Variants in CDK5RAP1 observed in about 807,000 individuals in gnomAD.
CDK5RAP1 encodes the protein mitochondrial tRNA methylthiotransferase CDK5RAP1.
In CDK5RAP1, 62 loss-of-function variants were observed where a neutral mutation model predicts 64.5. That is an observed-to-expected ratio of 0.96 (90% confidence interval 0.78 to 1.19). The LOEUF (loss-of-function observed/expected upper bound fraction) is 1.19, where lower values mean the gene tolerates loss of function less well. Among genes scored for constraint, CDK5RAP1 ranks in the 50% most tolerant of loss-of-function variants. CDK5RAP1 has a pLI of 0.00. For synonymous variants in CDK5RAP1, 250 were observed against 261.9 expected, an observed-to-expected ratio of 0.95 and a Z score of 0.44; for missense variants, 657 against 735.0, an observed-to-expected ratio of 0.89 and a Z score of 1.23.
intron 4 of CDK5RAP1, among the ~76,000 whole-genome samples, chr20:33,393,630 G>GTCACCCATCT (rs1988580216): frequency 6.6e-6 from 1 of 152,082 alleles, no homozygotes; most frequent in South Asian, 2.1e-4. Flanking sequence ...TCTGATGGGA[G>GTCACCCATCT]TCACCCATCT....
intron 5 of CDK5RAP1, among the ~76,000 whole-genome samples, chr20:33,388,080 A>C (rs1225032777): frequency 6.6e-6 from 1 of 152,056 alleles, no homozygotes; most frequent in Non-Finnish European, 1.5e-5. Flanking sequence ...AAAAAAAAAA[A>C]AAAATTAAAC....
At chr20:33,365,597 TAAAAAAAA>T (rs11471267) in intron 12 of CDK5RAP1, among the ~76,000 whole-genome samples, 3 of 78,342 alleles carry the variant, frequency 3.8e-5, no homozygotes, top group South Asian at 5.6e-4. Context: ...CTCTATAATG[TAAAAAAAA>T]AAAAAAAAAA....
intron 12 of CDK5RAP1, among the ~76,000 whole-genome samples, chr20:33,362,699 G>C (rs1231296791): frequency 6.6e-6 from 1 of 152,188 alleles, no homozygotes; most frequent in Non-Finnish European, 1.5e-5. Context: ...ACAAAAGGAG[G>C]AGGAAGGGAC....
chr20:33,374,142 C>T lies in CDK5RAP1; in HGVS notation c.1178G>A (p.Ser393Asn). 3 of 1,613,980 alleles carry T rather than the reference C, an allele frequency of 1.9e-6. No homozygotes were observed. Among genetic ancestry groups the T allele is most frequent in the Non-Finnish European group, 2.5e-6 (3 of 1,179,806 alleles). The change falls in exon 9 of 14, where the codon AGC becomes AAC. Residue 393 changes from serine to asparagine, a missense_variant. Ser to Asn is a conservative substitution (Grantham distance 46). Transcript: ENST00000346416. ...CCTCCGCATGGCCTCCAACACACGGCTGCTTCCACTCTGGGCTGGCAGGTG... is the reference window on the plus strand; with the variant it reads ...CCTCCGCATGGCCTCCAACACACGGTTGCTTCCACTCTGGGCTGGCAGGTG... ...QIHLPAQSGS[S>N]RVLEAMRRGY... is the part of the protein sequence containing the mutation.
At position 33,387,552 on chromosome 20, in the gene CDK5RAP1, C is replaced by T; in HGVS notation, c.545-19G>A. 2 of 1,600,460 alleles carry T rather than the reference C, an allele frequency of 1.2e-6. No homozygotes were observed. Among genetic ancestry groups the T allele is most frequent in the Non-Finnish European group, 1.7e-6 (2 of 1,167,842 alleles). On this transcript the variant is annotated intron_variant, in intron 5 of 13. Transcript: ENST00000346416. Reference sequence around the variant, plus strand: ...ATGCAGCCTGGAAGGGAAAAAGAAACAAGCACCTTTCCCCAAATCCACCTG... The same window carrying T: ...ATGCAGCCTGGAAGGGAAAAAGAAATAAGCACCTTTCCCCAAATCCACCTG...
chr20:33,375,565 G>T (rs1985862323), intron 8 of CDK5RAP1, among the ~76,000 whole-genome samples: 1 of 152,004 alleles, frequency 6.6e-6, no homozygotes, highest in Non-Finnish European at 1.5e-5. Flanking sequence ...GAGGAAAAAA[G>T]ATGAAAGTCG....
At chr20:33,375,115 A>T (rs1374958484) in intron 8 of CDK5RAP1, among the ~76,000 whole-genome samples, 4 of 150,748 alleles carry the variant, frequency 2.7e-5, no homozygotes, top group Non-Finnish European at 4.4e-5. Context: ...AAGAATACAT[A>T]AAGAGGCTGG....
chr20:33,368,916 G>A (rs112215808), intron 11 of CDK5RAP1, among the ~76,000 whole-genome samples: 303 of 151,716 alleles, frequency 2.0e-3, no homozygotes, highest in African/African-American at 6.8e-3. Context: ...TGAGGTGGGT[G>A]GATCACAAGG....
At chr20:33,366,164 C>CA (rs1219311654) in intron 12 of CDK5RAP1, among the ~76,000 whole-genome samples, 2 of 151,276 alleles carry the variant, frequency 1.3e-5, no homozygotes, top group African/African-American at 4.9e-5. Context: ...ACTAAAAATA[C>CA]AAAAATTAGC....
intron 11 of CDK5RAP1, among the ~76,000 whole-genome samples, chr20:33,368,859 G>A (rs139087339): frequency 1.0e-3 from 158 of 152,052 alleles, no homozygotes; most frequent in South Asian, 3.3e-3. Flanking sequence ...CAACAAGAGC[G>A]AGACTCCGTC....
intron 1 of CDK5RAP1, 125 bp downstream of exon 1, chr20:33,401,303 C>T (rs888068656): frequency 1.3e-4 from 93 of 725,172 alleles, no homozygotes; most frequent in Admixed American, 4.4e-4. Flanking sequence ...CCAGGCCCCA[C>T]GCCATAACCA....
intron 4 of CDK5RAP1, 136 bp from the exon 5 acceptor site, chr20:33,392,378 C>G: frequency 4.6e-6 from 2 of 439,468 alleles, no homozygotes; most frequent in Non-Finnish European, 8.1e-6. Flanking sequence ...GCCCACGGGC[C>G]ACATGCAGCC....
At chr20:33,376,410 A>T (rs914252769) in intron 8 of CDK5RAP1, among the ~76,000 whole-genome samples, 1 of 152,202 alleles carries the variant, frequency 6.6e-6, no homozygotes, top group Admixed American at 6.5e-5. Flanking sequence ...GGCTCAAGTG[A>T]TTCTCCTGCC....
At chr20:33,381,512 C>T (rs1248245388) in intron 7 of CDK5RAP1, among the ~76,000 whole-genome samples, 2 of 151,952 alleles carry the variant, frequency 1.3e-5, no homozygotes, top group Non-Finnish European at 2.9e-5. Flanking sequence ...CTGCAATCTC[C>T]GCCTCCCAGG....
At chr20:33,380,948 C>T (rs1986680701) in intron 7 of CDK5RAP1, among the ~76,000 whole-genome samples, 1 of 152,034 alleles carries the variant, frequency 6.6e-6, no homozygotes. Flanking sequence ...TGCAGTGAGC[C>T]GAGACCATGC....
Position 33,359,058 on chromosome 20 carries a change from A to AGAGTCCCTCAGAGTGGTCCTGCAGAGAAC in CDK5RAP1, c.1720_1748dup (p.Ser584PhefsTer7). 1 of 1,613,002 alleles carries AGAGTCCCTCAGAGTGGTCCTGCAGAGAAC rather than the reference A, an allele frequency of 6.2e-7. No individual in the cohort carries two copies. The highest frequency in any genetic ancestry group is 1.1e-5 in the South Asian group (1 of 91,066). On this transcript the variant is annotated stop_gained and frameshift_variant, in exon 14 of 14. Transcript: ENST00000346416. LOFTEE classifies it high-confidence loss of function. ...TCCTCTCAGGTCAGCAATATGCAGA[A>AGAGTCCCTCAGAGTGGTCCTGCAGAGAAC]GAGTCCCTCAGAGTGGTCCTGCAGA...
At chr20:33,397,734 G>A (rs969772242) in intron 1 of CDK5RAP1, among the ~76,000 whole-genome samples, 2 of 152,234 alleles carry the variant, frequency 1.3e-5, no homozygotes, top group Non-Finnish European at 2.9e-5. Context: ...GCTCATGCCT[G>A]TAATCCCAGG....
At chr20:33,367,077 C>A in intron 11 of CDK5RAP1, 69 bp from the exon 12 acceptor site, 1 of 1,468,888 alleles carries the variant, frequency 6.8e-7, no homozygotes, top group Non-Finnish European at 9.3e-7. Flanking sequence ...TCTTAATGCA[C>A]AGAGGGCGAC....
chr20:33,386,234 T>C (rs1987416189), intron 6 of CDK5RAP1, among the ~76,000 whole-genome samples: 1 of 152,132 alleles, frequency 6.6e-6, no homozygotes, highest in Non-Finnish European at 1.5e-5. Context: ...CGGCTAATTT[T>C]TGTATTTTTA....
Sources: allele counts gnomAD v4.1 joint callset (sites outside exome capture counted in the v4.1 genomes callset), GRCh38; gene constraint gnomAD v4.1.1; transcripts MANE v1.5; gene names NCBI Gene and HGNC (gene_info 2026-07-23, HGNC 2026-07-21).